Variants in LIN28B observed in about 807,000 individuals in gnomAD.
LIN28B encodes protein lin-28 homolog B.
Under a neutral mutation model 21.9 loss-of-function variants are expected in LIN28B, and 5 were observed. The ratio of observed to expected loss-of-function variants is 0.23; its 90% CI spans 0.12 to 0.48. LIN28B has a LOEUF of 0.48. LIN28B is among the 20% of genes least tolerant of loss of function. The pLI, the probability that LIN28B is intolerant of heterozygous loss-of-function variation, is 0.98. For synonymous variants in LIN28B, 109 were observed against 111.3 expected (o/e 0.98, Z 0.13); for missense variants, 245 against 310.5 (o/e 0.79, Z 1.58).
At position 104,982,360 on chromosome 6, in the gene LIN28B, A is replaced by C. The variant is rs951367294; in HGVS notation, c.198+24074A>C. On this transcript the variant is annotated intron_variant, in intron 2 of 3. Coordinates refer to ENST00000345080, the MANE Select transcript of LIN28B (RefSeq NM_001004317.4). ...TAATTATTAATTTGAATGGCCTCCA[A>C]TTCAGTGATGAGATTGAATGACAGT... 3.3e-5 allele frequency among the ~76,000 whole-genome samples: 5 copies of C among 152,190 alleles called. No individual in the cohort carries two copies. The East Asian group carries it at 9.6e-4, about 29-fold the overall frequency.
chr6:104,940,813 C>A (rs943479945), intron 2 of LIN28B: 4 of 151,826 alleles, frequency 2.6e-5, no homozygotes, highest in African/African-American at 9.7e-5. Context: ...TTCCGCGTCC[C>A]CTTGCCGGCT....
chr6:104,945,234 ATTATTT>A, intron 2 of LIN28B, among the ~76,000 whole-genome samples: 1 of 152,152 alleles, frequency 6.6e-6, no homozygotes, highest in East Asian at 1.9e-4. Flanking sequence ...TTAAAATCCT[ATTATTT>A]TTATTTGCTA....
chr6:104,993,177 G>A (rs760637732), intron 2 of LIN28B, among the ~76,000 whole-genome samples: 8 of 152,072 alleles, frequency 5.3e-5, no homozygotes, highest in Non-Finnish European at 1.2e-4. Flanking sequence ...ATTAAGACTA[G>A]TTTTGCTGTT....
In LIN28B at chr6:105,031,906, A is replaced by C. The variant is rs569845854; in HGVS notation, c.383+5424A>C. Among the ~76,000 whole-genome samples, 10 of 152,168 alleles carry C rather than the reference A, an allele frequency of 6.6e-5. No individual in the cohort carries two copies. The East Asian group carries it at 9.7e-4, about 15-fold the overall frequency. On this transcript the variant is annotated intron_variant, in intron 3 of 3. Transcript: ENST00000345080. ...CAGATTCAGAAAGTTTATTACCCCC[A>C]AAAATCTCCCTCTATCTATAATGGT...
intron 2 of LIN28B, among the ~76,000 whole-genome samples, chr6:105,015,164 CT>C (rs1440741181): frequency 2.0e-5 from 3 of 152,086 alleles, no homozygotes; most frequent in Non-Finnish European, 2.9e-5. Flanking sequence ...GTCTAATTCT[CT>C]TTATAATTCT....
Position 104,958,151 on chromosome 6 carries a change from A to G in LIN28B, c.63A>G (p.Ala21=), listed in dbSNP as rs145579606. 30 of 1,607,352 alleles carry G rather than the reference A, an allele frequency of 1.9e-5. No individual in the cohort carries two copies. The African/African-American group carries it at 3.9e-4, about 21-fold the overall frequency. ...GEEPGKLPEP[A]EEESQVLRGT... is the part of the protein sequence containing the mutation. ...AGCCCGGGAAGCTGCCGGAGCCGGC[A>G]GAGGAGGAATCCCAGGTTTTGCGCG... Residue 21 remains alanine, a synonymous_variant, in exon 2 of 4, where the codon GCA becomes GCG. Transcript: ENST00000345080.
At chr6:104,974,698 A>G (rs1183345364) in intron 2 of LIN28B, among the ~76,000 whole-genome samples, 3 of 151,860 alleles carry the variant, frequency 2.0e-5, no homozygotes, top group Non-Finnish European at 4.4e-5. Context: ...AGTTTGAAAA[A>G]CTTACACAGT....
chr6:105,008,373 G>A (rs571225493), intron 2 of LIN28B, among the ~76,000 whole-genome samples: 2 of 152,126 alleles, frequency 1.3e-5, no homozygotes, highest in East Asian at 1.9e-4. Flanking sequence ...GGCTGGGCGC[G>A]GTGGCTCACG....
intron 2 of LIN28B, among the ~76,000 whole-genome samples, chr6:104,959,941 A>G (rs1464854339): frequency 2.0e-5 from 3 of 152,162 alleles, no homozygotes; most frequent in African/African-American, 7.2e-5. Context: ...TCAAATGTTA[A>G]GATATTTTAT....
Position 105,078,755 on chromosome 6 carries a change from C to G in LIN28B, c.725C>G (p.Pro242Arg). 1 of 1,612,840 alleles carries G rather than the reference C, an allele frequency of 6.2e-7. No individual in the cohort carries two copies. The highest frequency in any genetic ancestry group is 8.5e-7 in the Non-Finnish European group (1 of 1,179,548). ...IAPEEQSKKG[P>R]SVQKRKKT The stretch of plus-strand genomic sequence containing the variant: ...CCAGAAGAGCAAAGCAAAAAGGGGC[C>G]TTCAGTTCAAAAAAGGAAAAAGACA... The change falls in exon 4 of 4, where the codon CCT (proline) becomes CGT (arginine). Residue 242 changes from proline (P) to arginine (R), a missense_variant. By Grantham distance (103) the Pro-to-Arg change is moderately radical. Transcript: ENST00000345080.
At chr6:104,974,404 G>A (rs1403794024) in intron 2 of LIN28B, among the ~76,000 whole-genome samples, 1 of 150,542 alleles carries the variant, frequency 6.6e-6, no homozygotes, top group African/African-American at 2.4e-5. Context: ...CAGAAGAATC[G>A]CTTGAACCTG....
chr6:104,984,459 CTT>C (rs976627110), intron 2 of LIN28B, among the ~76,000 whole-genome samples: 1 of 145,422 alleles, frequency 6.9e-6, no homozygotes, highest in Admixed American at 6.9e-5. Context: ...TTTCTTTTTT[CTT>C]TTTTTTTTTG....
intron 2 of LIN28B, among the ~76,000 whole-genome samples, chr6:104,962,417 T>G (rs1468206868): frequency 6.6e-6 from 1 of 152,090 alleles, no homozygotes; most frequent in Non-Finnish European, 1.5e-5. Flanking sequence ...GAATTAGATT[T>G]TGATCTTTAT....
Position 105,078,976 on chromosome 6 carries a change from C to A in LIN28B, c.*193C>A. The A allele has an allele frequency of 1.7e-6, 1 of 600,048 alleles. No individual in the cohort carries two copies. The highest frequency in any genetic ancestry group is 2.9e-6 in the Non-Finnish European group (1 of 348,940). The allele number at this position is 600,048 out of a possible 1,614,324, so 37.2% of individuals were successfully genotyped here. A position where few individuals can be genotyped will look rare whatever the true frequency, so the allele number is the denominator to read the frequency against. ...CAGGGTGTCATGTTTTATGTTAATT[C>A]AGAGAATAAGATACTATGTCTGTCA... On this transcript the variant is annotated 3_prime_UTR_variant, in exon 4 of 4. Coordinates refer to ENST00000345080, the MANE Select transcript of LIN28B (RefSeq NM_001004317.4).
chr6:104,965,251 T>A (rs1582867973), intron 2 of LIN28B, among the ~76,000 whole-genome samples: 1 of 152,240 alleles, frequency 6.6e-6, no homozygotes, highest in Admixed American at 6.5e-5. Context: ...TTCTTTTGGC[T>A]GAGCATGGTG....
chr6:105,049,527 C>G (rs370589946), intron 3 of LIN28B, among the ~76,000 whole-genome samples: 2 of 152,004 alleles, frequency 1.3e-5, no homozygotes, highest in African/African-American at 4.8e-5. Flanking sequence ...TCCGCTTGGT[C>G]CAGAGCTGAG....
chr6:104,981,507 A>G (rs181581052), intron 2 of LIN28B, among the ~76,000 whole-genome samples: 1 of 152,298 alleles, frequency 6.6e-6, no homozygotes, highest in East Asian at 1.9e-4. Context: ...CCCTTTTATT[A>G]TAAACTTTTA....
At chr6:104,967,559 A>T (rs1266305275) in intron 2 of LIN28B, among the ~76,000 whole-genome samples, 1 of 143,294 alleles carries the variant, frequency 7.0e-6, no homozygotes, top group Non-Finnish European at 1.5e-5. Flanking sequence ...CCAGGCGACA[A>T]GAGTGAAACT....
chr6:104,967,594 A>G (rs1449631733), intron 2 of LIN28B, among the ~76,000 whole-genome samples: 2 of 150,106 alleles, frequency 1.3e-5, no homozygotes, highest in African/African-American at 2.4e-5. Context: ...AAAAAAAAAA[A>G]AAAAAGAAAG....
Sources: gnomAD v4.1 joint callset for allele counts (sites outside exome capture counted in the v4.1 genomes callset) on GRCh38, gnomAD v4.1.1 for gene constraint, MANE v1.5 for transcripts, NCBI Gene and HGNC (gene_info 2026-07-23, HGNC 2026-07-21) for gene names.